SAMD4A: variants seen among roughly 807,000 people sequenced by gnomAD.
SAMD4A encodes sterile alpha motif domain containing 4A.
In SAMD4A, 33 loss-of-function variants were observed where a neutral mutation model predicts 81.3. The ratio of observed to expected loss-of-function variants is 0.41; its 90% CI spans 0.31 to 0.54. The LOEUF (loss-of-function observed/expected upper bound fraction) is 0.54. SAMD4A is among the 20% of genes least tolerant of loss of function. The probability of loss-of-function intolerance (pLI) is 0.37; values close to 1 mark genes in which losing one functional copy is unlikely to be tolerated. For synonymous variants in SAMD4A, 389 were observed against 382.1 expected (o/e 1.02, Z -0.21); for missense variants, 854 against 951.1 (o/e 0.90, Z 1.34).
chr14:54,742,926 CTT>C (rs1211509608), intron 4 of SAMD4A, among the ~76,000 whole-genome samples: 2 of 152,136 alleles, frequency 1.3e-5, no homozygotes, highest in African/African-American at 4.8e-5. Flanking sequence ...CTTAGAAAAA[CTT>C]TTTCTCTCTG....
At chr14:54,685,600 G>C in intron 2 of SAMD4A, 2 of 421,820 alleles carry the variant, frequency 4.7e-6, no homozygotes, top group Non-Finnish European at 9.5e-6. Context: ...TTTTTTCTTT[G>C]TGGTTTCAGA....
intron 2 of SAMD4A, among the ~76,000 whole-genome samples, chr14:54,578,173 A>G (rs560033661): frequency 7.2e-4 from 109 of 152,340 alleles, no homozygotes; most frequent in Non-Finnish European, 1.4e-3. Context: ...GGAGGAAACA[A>G]GCACTCTGGC....
chr14:54,776,298 T>G (rs1268536253), intron 10 of SAMD4A, 116 bp from the exon 11 acceptor site: 1 of 1,127,902 alleles, frequency 8.9e-7, no homozygotes, highest in Non-Finnish European at 1.2e-6. Context: ...TGCAAGCCCC[T>G]TTTCTAGAAG....
At chr14:54,614,953 T>C (rs1361243432) in intron 2 of SAMD4A, among the ~76,000 whole-genome samples, 2 of 152,216 alleles carry the variant, frequency 1.3e-5, no homozygotes, top group Non-Finnish European at 2.9e-5. Flanking sequence ...CCATTCTTAC[T>C]GCACCATCTT....
chr14:54,700,435 C>T (rs557225620), intron 2 of SAMD4A, among the ~76,000 whole-genome samples: 5 of 152,266 alleles, frequency 3.3e-5, no homozygotes, highest in Admixed American at 3.3e-4. Flanking sequence ...AATATTCTTT[C>T]CCATAGTCTT....
At chr14:54,650,940 A>G (rs1450351375) in intron 2 of SAMD4A, among the ~76,000 whole-genome samples, 2 of 152,208 alleles carry the variant, frequency 1.3e-5, no homozygotes, top group Non-Finnish European at 1.5e-5. Context: ...GTGAAAGGTC[A>G]GAGTTTTAAA....
At chr14:54,606,026 T>C (rs997682077) in intron 2 of SAMD4A, among the ~76,000 whole-genome samples, 1 of 152,188 alleles carries the variant, frequency 6.6e-6, no homozygotes, top group Non-Finnish European at 1.5e-5. Context: ...AGGTGTTTAT[T>C]AGGTGCCCAT....
intron 7 of SAMD4A, among the ~76,000 whole-genome samples, chr14:54,761,663 C>T (rs2038401794): frequency 6.6e-6 from 1 of 152,242 alleles, no homozygotes. Context: ...CCTTGGCATG[C>T]ACTTGTGCAG....
intron 3 of SAMD4A, among the ~76,000 whole-genome samples, chr14:54,718,823 G>A (rs1300114045): frequency 6.6e-6 from 1 of 151,970 alleles, no homozygotes; most frequent in Non-Finnish European, 1.5e-5. Context: ...GGCCAACATG[G>A]TGAAACCCCA....
intron 3 of SAMD4A, among the ~76,000 whole-genome samples, chr14:54,713,915 A>G (rs2037053917): frequency 6.6e-6 from 1 of 152,186 alleles, no homozygotes; most frequent in Non-Finnish European, 1.5e-5. Context: ...TGGACAAGTT[A>G]CTTGACCTCT....
In SAMD4A at chr14:54,687,561, C is replaced by A. The variant is rs79249478; in HGVS notation, c.197-14501C>A. On this transcript the variant is annotated intron_variant, in intron 2 of 12. Coordinates refer to ENST00000554335, the MANE Select transcript of SAMD4A (RefSeq NM_015589.6). ...GGGGTATGTTACTAAGCCGGTGACACAGAGCATCTGGGCCGGCGATGCTTG... is the reference window on the plus strand; with the variant it reads ...GGGGTATGTTACTAAGCCGGTGACAAAGAGCATCTGGGCCGGCGATGCTTG... 6.3e-3 allele frequency among the ~76,000 whole-genome samples: 955 copies of A among 152,316 alleles called. 4 individuals carry two copies. The highest frequency in any genetic ancestry group is 8.9e-3 in the Non-Finnish European group (603 of 68,032).
intron 4 of SAMD4A, among the ~76,000 whole-genome samples, chr14:54,744,079 G>A (rs2037908848): frequency 6.6e-6 from 1 of 152,164 alleles, no homozygotes; most frequent in African/African-American, 2.4e-5. Flanking sequence ...CTGGCTTGCT[G>A]TGGTGAATGG....
chr14:54,600,330 A>G (rs997517232), intron 2 of SAMD4A, among the ~76,000 whole-genome samples: 25 of 152,176 alleles, frequency 1.6e-4, no homozygotes, highest in Admixed American at 8.5e-4. Context: ...TGAAATTAGC[A>G]TCTTTGGAAG....
intron 11 of SAMD4A, among the ~76,000 whole-genome samples, chr14:54,783,880 G>C (rs1753643077): frequency 6.6e-6 from 1 of 152,244 alleles, no homozygotes; most frequent in South Asian, 2.1e-4. Flanking sequence ...ACAGGGGGCA[G>C]AGCCATGTTC....
intron 2 of SAMD4A, among the ~76,000 whole-genome samples, chr14:54,671,677 T>C (rs1200420642): frequency 6.6e-6 from 1 of 152,220 alleles, no homozygotes; most frequent in Non-Finnish European, 1.5e-5. Flanking sequence ...TCTTCCAGAA[T>C]TCTGTAGTGG....
intron 2 of SAMD4A, among the ~76,000 whole-genome samples, chr14:54,633,254 G>A (rs2034947586): frequency 6.6e-6 from 1 of 152,206 alleles, no homozygotes; most frequent in Non-Finnish European, 1.5e-5. Flanking sequence ...AGCCACGTAA[G>A]ATCTGGGATC....
intron 2 of SAMD4A, among the ~76,000 whole-genome samples, chr14:54,641,006 A>G (rs1213752832): frequency 6.6e-6 from 1 of 151,984 alleles, no homozygotes; most frequent in Non-Finnish European, 1.5e-5. Flanking sequence ...ACCTCTCTCC[A>G]ATTCACCCTT....
intron 3 of SAMD4A, chr14:54,702,819 C>A: frequency 4.1e-6 from 2 of 485,362 alleles, no homozygotes; most frequent in South Asian, 8.3e-5. Context: ...TATAAACAGA[C>A]CAAAAATAAA....
chr14:54,734,763 C>T (rs540491960), intron 3 of SAMD4A, among the ~76,000 whole-genome samples: 7 of 152,270 alleles, frequency 4.6e-5, no homozygotes, highest in African/African-American at 7.2e-5. Context: ...GTACAGTGTA[C>T]GTATTGTATT....
Sources: gnomAD v4.1 joint callset for allele counts (sites outside exome capture counted in the v4.1 genomes callset) on GRCh38, gnomAD v4.1.1 for gene constraint, MANE v1.5 for transcripts, NCBI Gene and HGNC (gene_info 2026-07-23, HGNC 2026-07-21) for gene names.